Variants in KLF12 observed in about 807,000 individuals in gnomAD.
KLF12 encodes the protein KLF transcription factor 12.
In KLF12, 9 loss-of-function variants were observed where a neutral mutation model predicts 37.8. The ratio of observed to expected loss-of-function variants is 0.24; its 90% CI spans 0.14 to 0.42. The LOEUF is 0.42. Ranked by LOEUF, KLF12 falls within the 10% of genes least tolerant of loss-of-function variation. KLF12 has a pLI of 1.00. For synonymous variants in KLF12, 208 were observed against 202.1 expected, an observed-to-expected ratio of 1.03 and a Z score of -0.25; for missense variants, 411 against 516.0, an observed-to-expected ratio of 0.80 and a Z score of 1.97.
chr13:74,079,303 T>C (rs1223251379), intron 1 of KLF12, among the ~76,000 whole-genome samples: 3 of 152,166 alleles, frequency 2.0e-5, no homozygotes, highest in African/African-American at 7.2e-5. Flanking sequence ...ACATGTATGG[T>C]GCTGATGGTT....
chr13:73,705,800 G>A (rs1874892215), intron 7 of KLF12, among the ~76,000 whole-genome samples: 1 of 152,174 alleles, frequency 6.6e-6, no homozygotes, highest in Non-Finnish European at 1.5e-5. Context: ...TTTGATGGAT[G>A]TATGGATAAA....
chr13:74,285,392 A>T, the KLF12 span, among the ~76,000 whole-genome samples: 1 of 152,220 alleles, frequency 6.6e-6, no homozygotes, highest in Non-Finnish European at 1.5e-5. Context: ...GCCTGTAGAC[A>T]TCAATACTGC....
chr13:74,207,639 C>A, the KLF12 span, among the ~76,000 whole-genome samples: 3 of 152,290 alleles, frequency 2.0e-5, no homozygotes, highest in Admixed American at 2.0e-4. Flanking sequence ...CTCCCCTGCA[C>A]TCCAGCCTGG....
the KLF12 span, among the ~76,000 whole-genome samples, chr13:74,152,713 T>C: frequency 1.3e-5 from 2 of 151,394 alleles, no homozygotes; most frequent in African/African-American, 4.9e-5. Context: ...TGAAACCCTG[T>C]CTCTAAAAAA....
chr13:74,264,748 T>C, the KLF12 span, among the ~76,000 whole-genome samples: 1 of 152,218 alleles, frequency 6.6e-6, no homozygotes, highest in Non-Finnish European at 1.5e-5. Flanking sequence ...CTTTGTGTAA[T>C]AGTTTTATAC....
chr13:74,099,727 C>G (rs1323234773), intron 1 of KLF12, among the ~76,000 whole-genome samples: 1 of 152,182 alleles, frequency 6.6e-6, no homozygotes. Flanking sequence ...CATAATTCAG[C>G]TATTTCACCC....
chr13:74,017,427 T>C (rs1325512007), intron 1 of KLF12, among the ~76,000 whole-genome samples: 6 of 151,458 alleles, frequency 4.0e-5, no homozygotes, highest in Non-Finnish European at 8.8e-5. Context: ...TATCTTTAAC[T>C]CTTCTCTTCA....
rs368557620 is a variant in KLF12, at chr13:73,965,229, T to G, written c.34-21159A>C. On this transcript the variant is annotated intron_variant, in intron 2 of 7. Transcript: ENST00000377669. ...AAAATAGTGCTGAGAACTTTATACTTTAATAGGTCAATGCTGCCACCATTA... is the reference window on the plus strand; with the variant it reads ...AAAATAGTGCTGAGAACTTTATACTGTAATAGGTCAATGCTGCCACCATTA... 5.0e-4 allele frequency among the ~76,000 whole-genome samples: 76 copies of G among 152,246 alleles called. No homozygotes were observed. The South Asian group carries it at 0.015, about 29-fold the overall frequency.
At chr13:73,700,995 T>G (rs959159098) in intron 7 of KLF12, among the ~76,000 whole-genome samples, 1 of 152,240 alleles carries the variant, frequency 6.6e-6, no homozygotes, top group African/African-American at 2.4e-5. Flanking sequence ...GTAGTATGTG[T>G]AAATGAGCCC....
chr13:74,130,747 T>C (rs1046429495), intron 1 of KLF12, among the ~76,000 whole-genome samples: 3 of 152,090 alleles, frequency 2.0e-5, no homozygotes. Flanking sequence ...TTAATCAGCA[T>C]GCAAGTGGCA....
At chr13:74,065,495 T>C (rs1325852055) in intron 1 of KLF12, among the ~76,000 whole-genome samples, 4 of 152,174 alleles carry the variant, frequency 2.6e-5, no homozygotes, top group African/African-American at 9.7e-5. Flanking sequence ...AGACCTATCA[T>C]GATGCAGAAA....
chr13:74,049,586 T>C (rs1209654145), intron 1 of KLF12, among the ~76,000 whole-genome samples: 1 of 152,094 alleles, frequency 6.6e-6, no homozygotes, highest in Non-Finnish European at 1.5e-5. Flanking sequence ...AAAAATATGA[T>C]AGTAAAAATT....
the KLF12 span, among the ~76,000 whole-genome samples, chr13:74,143,885 A>T: frequency 1.6e-4 from 24 of 152,340 alleles, no homozygotes; most frequent in African/African-American, 5.8e-4. Context: ...GCTAATGTTA[A>T]GTGTTCTGAG....
chr13:73,753,404 A>G (rs1223223368), intron 6 of KLF12, among the ~76,000 whole-genome samples: 5 of 152,152 alleles, frequency 3.3e-5, no homozygotes, highest in Non-Finnish European at 7.3e-5. Context: ...TTTCTGGCCA[A>G]ACCCCTTGGA....
chr13:73,856,884 G>A (rs1241008826), intron 3 of KLF12, among the ~76,000 whole-genome samples: 2 of 152,028 alleles, frequency 1.3e-5, no homozygotes, highest in Admixed American at 6.6e-5. Context: ...CTACTCCAGA[G>A]GCTAAGGCAT....
the KLF12 span, chr13:74,258,679 A>G: frequency 6.6e-6 from 1 of 152,212 alleles, no homozygotes; most frequent in Non-Finnish European, 1.5e-5. Flanking sequence ...TTGGATGTGT[A>G]TGATGGGGAT....
At chr13:73,781,857 AAATT>A (rs1282871251) in intron 5 of KLF12, among the ~76,000 whole-genome samples, 3 of 152,206 alleles carry the variant, frequency 2.0e-5, no homozygotes, top group Non-Finnish European at 2.9e-5. Context: ...AGAAATGATA[AAATT>A]AATATATTAA....
intron 5 of KLF12, among the ~76,000 whole-genome samples, chr13:73,797,726 T>C (rs1416131335): frequency 7.2e-6 from 1 of 137,972 alleles, no homozygotes; most frequent in Non-Finnish European, 1.5e-5. Flanking sequence ...GCTATGATCA[T>C]GCCACTGCAC....
intron 1 of KLF12, among the ~76,000 whole-genome samples, chr13:74,022,478 A>AT (rs1892865684): frequency 6.6e-6 from 1 of 151,870 alleles, no homozygotes; most frequent in South Asian, 2.1e-4. Context: ...GCCACATGGC[A>AT]TTTTTCAAAT....
Sources: gnomAD v4.1 joint callset for allele counts (sites outside exome capture counted in the v4.1 genomes callset) on GRCh38, gnomAD v4.1.1 for gene constraint, MANE v1.5 for transcripts, NCBI Gene and HGNC (gene_info 2026-07-23, HGNC 2026-07-21) for gene names.